Variants in ATG7 observed in about 807,000 individuals in gnomAD.
The protein encoded by ATG7 is autophagy related 7.
ATG7 carries 70 observed loss-of-function variants against 82.4 expected under a neutral mutation model. The ratio of observed to expected loss-of-function variants is 0.85; its 90% CI spans 0.70 to 1.04. The LOEUF is 1.04. Ranked by LOEUF, ATG7 falls within the 50% of genes least tolerant of loss-of-function variation. The pLI is 0.00. For missense variants in ATG7, 792 were observed against 864.3 expected (o/e 0.92, Z 1.05); for synonymous variants, 287 against 313.0 (o/e 0.92, Z 0.88).
At chr3:11,424,404 A>G (rs1431458615) in intron 19 of ATG7, among the ~76,000 whole-genome samples, 2 of 152,122 alleles carry the variant, frequency 1.3e-5, no homozygotes, top group East Asian at 3.9e-4. Context: ...ACCTGAACCC[A>G]GGAGGTTGAG....
Position 11,556,627 on chromosome 3 carries a change from AAC to A in ATG7, c.*1786_*1787del, listed in dbSNP as rs1237804709. The A allele has an allele frequency of 5.9e-5, 9 of 152,326 alleles. No individual in the cohort carries two copies. The highest frequency in any genetic ancestry group is 2.2e-4 in the African/African-American group (9 of 41,278). 9.4% of individuals were successfully genotyped at this position (152,326 alleles called of 1,614,324 possible). On this transcript the variant is annotated 3_prime_UTR_variant, in exon 21 of 21. Transcript: ENST00000693202. ...AAAAAAGATCAACTTTTTTTTTCCGAACAACAAAAAAAATGAATGATTACAAT... is the reference window on the plus strand; with the variant it reads ...AAAAAAGATCAACTTTTTTTTTCCGAAACAAAAAAAATGAATGATTACAAT...
intron 19 of ATG7, among the ~76,000 whole-genome samples, chr3:11,381,234 C>T (rs2077874659): frequency 6.6e-6 from 1 of 152,170 alleles, no homozygotes; most frequent in South Asian, 2.1e-4. Context: ...TCAAGGATGT[C>T]TGCATGCACC....
intron 20 of ATG7, among the ~76,000 whole-genome samples, chr3:11,516,004 G>T (rs1245040641): frequency 6.7e-6 from 1 of 150,000 alleles, no homozygotes; most frequent in East Asian, 2.0e-4. Flanking sequence ...AAGGACATAC[G>T]TTTTGGGAAC....
At chr3:11,381,237 C>T (rs1159521714) in intron 19 of ATG7, among the ~76,000 whole-genome samples, 2 of 152,208 alleles carry the variant, frequency 1.3e-5, no homozygotes, top group African/African-American at 4.8e-5. Flanking sequence ...AGGATGTCTG[C>T]ATGCACCCCC....
intron 16 of ATG7, among the ~76,000 whole-genome samples, chr3:11,361,447 G>A (rs1356811060): frequency 6.6e-6 from 1 of 151,974 alleles, no homozygotes; most frequent in African/African-American, 2.4e-5. Flanking sequence ...ACCATGCCCA[G>A]CTAATTTTTG....
chr3:11,534,411 C>G (rs182671597), intron 20 of ATG7, among the ~76,000 whole-genome samples: 151 of 152,360 alleles, frequency 9.9e-4, no homozygotes, highest in South Asian at 3.7e-3. Context: ...AACAGAGGCC[C>G]TCAGCATCTG....
Position 11,388,370 on chromosome 3 carries a change from G to A in ATG7, c.1956+8318G>A, listed in dbSNP as rs541177509. Among the ~76,000 whole-genome samples, 5 of 152,190 alleles carry A rather than the reference G, an allele frequency of 3.3e-5. No individual in the cohort carries two copies. The South Asian group carries it at 6.2e-4, about 19-fold the overall frequency. On this transcript the variant is annotated intron_variant, in intron 19 of 20. Coordinates refer to ENST00000693202, the MANE Select transcript of ATG7 (RefSeq NM_001349232.2). ...ACGGTTAGTTCTCCCTCTGCTAGCA[G>A]GGTGCATTGACTTGACTCCTGATGG...
chr3:11,386,812 T>C (rs2078353455), intron 19 of ATG7, among the ~76,000 whole-genome samples: 1 of 152,232 alleles, frequency 6.6e-6, no homozygotes, highest in Non-Finnish European at 1.5e-5. Context: ...CCTTAGCAAC[T>C]AGTGTTTTCT....
intron 14 of ATG7, among the ~76,000 whole-genome samples, chr3:11,355,750 T>G (rs57643134): frequency 0.024 from 3,639 of 152,294 alleles, 141 homozygotes; most frequent in African/African-American, 0.08. Flanking sequence ...AAAACACTTA[T>G]ACATTGCTGG....
chr3:11,423,969 C>G (rs909643778), intron 19 of ATG7, among the ~76,000 whole-genome samples: 2 of 152,220 alleles, frequency 1.3e-5, no homozygotes, highest in African/African-American at 4.8e-5. Flanking sequence ...CAGTCAACCT[C>G]TCTTCTCCGA....
chr3:11,431,546 A>T (rs113586366), intron 20 of ATG7, among the ~76,000 whole-genome samples: 161 of 152,038 alleles, frequency 1.1e-3, no homozygotes, highest in African/African-American at 3.5e-3. Flanking sequence ...TTAAAAGGTC[A>T]CTCCCTGTTC....
At chr3:11,470,469 G>A (rs2087366786) in intron 20 of ATG7, among the ~76,000 whole-genome samples, 1 of 152,172 alleles carries the variant, frequency 6.6e-6, no homozygotes, top group South Asian at 2.1e-4. Context: ...ATCTTATGGG[G>A]CCACCCTCAT....
At chr3:11,463,623 G>GGAGGA (rs57613964) in intron 20 of ATG7, among the ~76,000 whole-genome samples, 303 of 4,476 alleles carry the variant, frequency 0.068, 1 homozygote, top group African/African-American at 0.24. Context: ...TATCATAGGT[G>GGAGGA]GAGAGTGTTG....
At chr3:11,510,964 C>T (rs931373078) in intron 20 of ATG7, among the ~76,000 whole-genome samples, 3 of 151,786 alleles carry the variant, frequency 2.0e-5, no homozygotes, top group Non-Finnish European at 2.9e-5. Flanking sequence ...CTTAAGGTGG[C>T]GCGTCTGGAG....
chr3:11,430,121 AG>A (rs2082738525), intron 20 of ATG7, among the ~76,000 whole-genome samples: 1 of 152,078 alleles, frequency 6.6e-6, no homozygotes, highest in Non-Finnish European at 1.5e-5. Flanking sequence ...GACCCTTAAT[AG>A]GTATTTGAGC....
At chr3:11,279,992 A>T (rs1353491010) in intron 1 of ATG7, among the ~76,000 whole-genome samples, 3 of 151,308 alleles carry the variant, frequency 2.0e-5, no homozygotes, top group African/African-American at 7.3e-5. Flanking sequence ...ACAAGTATGT[A>T]ACATAACTGT....
chr3:11,318,988 C>A (rs530242356), intron 9 of ATG7, among the ~76,000 whole-genome samples: 2 of 152,224 alleles, frequency 1.3e-5, no homozygotes, highest in Admixed American at 6.5e-5. Flanking sequence ...TTTCTGCCTG[C>A]CCCATATCCC....
chr3:11,389,232 CAAAAAAAAA>C (rs752930553), intron 19 of ATG7, among the ~76,000 whole-genome samples: 3 of 57,250 alleles, frequency 5.2e-5, no homozygotes, highest in African/African-American at 7.9e-5. Flanking sequence ...GACCCTGTCT[CAAAAAAAAA>C]AAAAAAAAAA....
chr3:11,563,039 C>T, the ATG7 span, among the ~76,000 whole-genome samples: 1 of 152,218 alleles, frequency 6.6e-6, no homozygotes, highest in Non-Finnish European at 1.5e-5. Flanking sequence ...TTTTGCAAAG[C>T]AACTGTGACC....
Sources: allele counts gnomAD v4.1 joint callset (sites outside exome capture counted in the v4.1 genomes callset), GRCh38; gene constraint gnomAD v4.1.1; transcripts MANE v1.5; gene names NCBI Gene and HGNC (gene_info 2026-07-23, HGNC 2026-07-21).